The following TULP4 variants were observed in gnomAD, a reference collection of about 807,000 sequenced individuals.
TULP4 encodes TUB like protein 4.
TULP4 carries 16 observed loss-of-function variants against 129.0 expected under a neutral mutation model. That is an observed-to-expected ratio of 0.12 (90% CI 0.08 to 0.19). The LOEUF (loss-of-function observed/expected upper bound fraction) is 0.19, where lower values mean the gene tolerates loss of function less well. Among genes scored for constraint, TULP4 ranks in the 10% least tolerant of loss-of-function variants. The probability of loss-of-function intolerance (pLI) is 1.00; values close to 1 mark genes in which losing one functional copy is unlikely to be tolerated. For synonymous variants in TULP4, 998 were observed against 854.0 expected (o/e 1.17, Z -2.94); for missense variants, 1,842 against 2,059.1 (o/e 0.89, Z 2.04).
In TULP4 at chr6:158,423,122, A is replaced by AG. The variant is rs34027309; in HGVS notation, c.382-6601dup. ...CAAGACCCCTTCCTCCACAAAAAAGAGGGGGGGGGGGGGAAAGAAACCTTC... is the reference window on the plus strand; with the variant it reads ...CAAGACCCCTTCCTCCACAAAAAAGAGGGGGGGGGGGGGGAAAGAAACCTTC... On this transcript the variant is annotated intron_variant, in intron 2 of 13. Transcript: ENST00000367097. 2.1e-3 allele frequency among the ~76,000 whole-genome samples: 225 copies of AG among 106,890 alleles called. 2 individuals are homozygous for AG. The highest frequency in any genetic ancestry group is 2.8e-3 in the Non-Finnish European group (127 of 45,748). 70.1% of individuals were successfully genotyped at this position (106,890 alleles called of 152,430 possible).
chr6:158,318,924 T>A (rs2128485732), intron 1 of TULP4, among the ~76,000 whole-genome samples: 1 of 100,794 alleles, frequency 9.9e-6, no homozygotes, highest in East Asian at 3.0e-4. Flanking sequence ...TTTTTTTTTT[T>A]TGGTAGAGAC....
chr6:158,350,776 T>G (rs1339708102), intron 1 of TULP4, among the ~76,000 whole-genome samples: 1 of 151,336 alleles, frequency 6.6e-6, no homozygotes, highest in African/African-American at 2.4e-5. Context: ...TTTTTTTTTT[T>G]TTAAAGAAGA....
At chr6:158,489,453 T>C in intron 8 of TULP4, 135 bp from the exon 9 acceptor site, 1 of 1,048,148 alleles carries the variant, frequency 9.5e-7, no homozygotes, top group East Asian at 2.4e-5. Context: ...ATGCCAAGCT[T>C]CTTTTTGGTT....
At chr6:158,306,860 C>T (rs551246661) in intron 1 of TULP4, among the ~76,000 whole-genome samples, 1 of 152,096 alleles carries the variant, frequency 6.6e-6, no homozygotes, top group African/African-American at 2.4e-5. Context: ...TCTCTACACA[C>T]AATACAAAAG....
At chr6:158,271,471 C>A (rs542766894) in intron 1 of TULP4, among the ~76,000 whole-genome samples, 1 of 150,748 alleles carries the variant, frequency 6.6e-6, no homozygotes, top group East Asian at 1.9e-4. Context: ...TCTTGCTCTG[C>A]CACCCAGGCT....
chr6:158,315,805 G>A (rs952581068), intron 1 of TULP4, among the ~76,000 whole-genome samples: 1 of 152,238 alleles, frequency 6.6e-6, no homozygotes, highest in Non-Finnish European at 1.5e-5. Context: ...TCCTCACATG[G>A]TGGAAGGGGC....
chr6:158,452,532 A>G (rs1403651730), intron 5 of TULP4, among the ~76,000 whole-genome samples: 1 of 152,164 alleles, frequency 6.6e-6, no homozygotes, highest in Non-Finnish European at 1.5e-5. Flanking sequence ...GACAAGAATG[A>G]TCCTCTCTCA....
chr6:158,348,431 G>T (rs907081362), intron 1 of TULP4, among the ~76,000 whole-genome samples: 1 of 151,914 alleles, frequency 6.6e-6, no homozygotes, highest in Non-Finnish European at 1.5e-5. Context: ...ATCTTGCACC[G>T]CCCTTAATCC....
chr6:158,342,947 A>ATGTGTGTGTGTGTGTGTG (rs5881254), intron 1 of TULP4, among the ~76,000 whole-genome samples: 1,714 of 147,580 alleles, frequency 0.012, 30 homozygotes, highest in East Asian at 0.029. Context: ...TTAAAAATAA[A>ATGTGTGTGTGTGTGTGTG]TGTGTGTGTG....
chr6:158,303,062 T>G (rs1236039220), intron 1 of TULP4, among the ~76,000 whole-genome samples: 1 of 147,928 alleles, frequency 6.8e-6, no homozygotes, highest in African/African-American at 2.5e-5. Context: ...GCCCTTAAAC[T>G]TTTTTCCTTG....
At chr6:158,494,567 C>T (rs1780285382) in intron 10 of TULP4, among the ~76,000 whole-genome samples, 186 bp from the exon 11 acceptor site, 1 of 152,174 alleles carries the variant, frequency 6.6e-6, no homozygotes. Flanking sequence ...CCCCCACTCA[C>T]TGCTGCGTGC....
chr6:158,332,286 C>T (rs948668116), intron 1 of TULP4, among the ~76,000 whole-genome samples: 4 of 148,762 alleles, frequency 2.7e-5, no homozygotes, highest in African/African-American at 7.5e-5. Flanking sequence ...ACCCTAGGGC[C>T]GAAGGAGATG....
At chr6:158,331,894 G>A (rs9364952) in intron 1 of TULP4, among the ~76,000 whole-genome samples, 126,538 of 147,144 alleles carry the variant, frequency 0.86, 54,870 homozygotes, top group South Asian at 0.93. Context: ...ATTAACTGCC[G>A]GGCACGGTGG....
upstream of TULP4, among the ~76,000 whole-genome samples, chr6:158,309,812 A>T (rs1327104032): frequency 1.3e-5 from 2 of 149,918 alleles, no homozygotes; most frequent in African/African-American, 2.4e-5. Flanking sequence ...TCAGGCAGGG[A>T]GGTTGCAGTG....
At chr6:158,244,208 C>T (rs535121907) in intron 1 of TULP4, among the ~76,000 whole-genome samples, 2 of 152,200 alleles carry the variant, frequency 1.3e-5, no homozygotes, top group East Asian at 3.9e-4. Flanking sequence ...AATCTCATAG[C>T]TTCCTTGCTT....
chr6:158,408,847 G>C (rs1289641767), intron 1 of TULP4, among the ~76,000 whole-genome samples: 2 of 152,190 alleles, frequency 1.3e-5, no homozygotes, highest in Admixed American at 6.5e-5. Context: ...CAATCACTTT[G>C]TTTTTCTTGC....
At chr6:158,233,984 T>G (rs1777643506) in intron 1 of TULP4, among the ~76,000 whole-genome samples, 1 of 152,134 alleles carries the variant, frequency 6.6e-6, no homozygotes, top group Non-Finnish European at 1.5e-5. Context: ...TAGTGCTGAA[T>G]TAGAGGGAGG....
intron 1 of TULP4, among the ~76,000 whole-genome samples, chr6:158,287,323 A>G (rs1314906822): frequency 1.3e-5 from 2 of 152,232 alleles, no homozygotes; most frequent in Non-Finnish European, 2.9e-5. Flanking sequence ...CTATAAAATA[A>G]TATAATTTAC....
rs557911059 is a variant in TULP4, at chr6:158,420,846, C to G, written c.381+7653C>G. On this transcript the variant is annotated intron_variant, in intron 2 of 13. Coordinates refer to ENST00000367097, the MANE Select transcript of TULP4 (RefSeq NM_020245.5). ...TGGTTTACAGAATATGTTTAATAGA[C>G]ATTTATAAAATCCTAGATCTAAATT... 3.9e-5 allele frequency among the ~76,000 whole-genome samples: 6 copies of G among 152,146 alleles called. No individual in the cohort carries two copies. In the East Asian group the frequency reaches 1.2e-3, roughly 29 times the overall value.
Sources: gnomAD v4.1 joint callset for allele counts (sites outside exome capture counted in the v4.1 genomes callset) on GRCh38, gnomAD v4.1.1 for gene constraint, MANE v1.5 for transcripts, NCBI Gene and HGNC (gene_info 2026-07-23, HGNC 2026-07-21) for gene names.